Variants in HYCC1 observed in about 807,000 individuals in gnomAD.
HYCC1 encodes hyccin.
At chr7:22,944,341 A>G in the HYCC1 span, 2 of 152,236 alleles carry the variant, frequency 1.3e-5, no homozygotes, top group Non-Finnish European at 2.9e-5. Flanking sequence ...TTTTATTTCC[A>G]TCTAGAGGTC....
At chr7:22,898,906 G>A in the HYCC1 span, among the ~76,000 whole-genome samples, 117 of 152,248 alleles carry the variant, frequency 7.7e-4, no homozygotes, top group African/African-American at 2.6e-3. Flanking sequence ...CGGCTGGTCC[G>A]AATATTTCTC....
the HYCC1 span, among the ~76,000 whole-genome samples, chr7:23,006,194 T>C: frequency 6.6e-6 from 1 of 152,220 alleles, no homozygotes. Context: ...AAATGTTAAT[T>C]TATATTTAAA....
chr7:22,978,255 C>T, the HYCC1 span: 1 of 1,612,356 alleles, frequency 6.2e-7, no homozygotes. Context: ...TTGTTAACTC[C>T]ATTAAATACA....
the HYCC1 span, among the ~76,000 whole-genome samples, chr7:22,958,651 T>C: frequency 1.3e-5 from 2 of 152,140 alleles, no homozygotes; most frequent in Non-Finnish European, 2.9e-5. Flanking sequence ...TTTTTTCCTA[T>C]AAAATATGTC....
At chr7:22,989,171 A>T in the HYCC1 span, among the ~76,000 whole-genome samples, 1 of 152,130 alleles carries the variant, frequency 6.6e-6, no homozygotes, top group African/African-American at 2.4e-5. Flanking sequence ...CATTAACATA[A>T]GAATGCCCTA....
chr7:22,981,312 A>C, the HYCC1 span, among the ~76,000 whole-genome samples: 1 of 152,218 alleles, frequency 6.6e-6, no homozygotes, highest in African/African-American at 2.4e-5. Flanking sequence ...AAGTACTATT[A>C]GTGAAGTTTA....
At chr7:22,952,287 G>A in the HYCC1 span, among the ~76,000 whole-genome samples, 5 of 151,956 alleles carry the variant, frequency 3.3e-5, no homozygotes, top group African/African-American at 1.2e-4. Context: ...TACTTAGATG[G>A]GTGGTCTGGG....
At chr7:22,919,869 G>A in the HYCC1 span, among the ~76,000 whole-genome samples, 3 of 151,158 alleles carry the variant, frequency 2.0e-5, no homozygotes, top group African/African-American at 7.3e-5. Flanking sequence ...GGAAAAAGAA[G>A]AAAACAGAAA....
At chr7:22,992,127 C>T in the HYCC1 span, among the ~76,000 whole-genome samples, 3 of 133,538 alleles carry the variant, frequency 2.2e-5, no homozygotes, top group African/African-American at 8.3e-5. Flanking sequence ...TATCACTATG[C>T]AATATTATTA....
At chr7:23,012,239 G>T in the HYCC1 span, among the ~76,000 whole-genome samples, 1 of 152,110 alleles carries the variant, frequency 6.6e-6, no homozygotes, top group Non-Finnish European at 1.5e-5. Context: ...ACAGGATGCT[G>T]AATAAAACAG....
the HYCC1 span, among the ~76,000 whole-genome samples, chr7:22,913,136 AAAG>A: frequency 6.6e-6 from 1 of 151,890 alleles, no homozygotes; most frequent in African/African-American, 2.4e-5. Context: ...GAAAAAAAAA[AAAG>A]AAGTACTCTC....
the HYCC1 span, among the ~76,000 whole-genome samples, chr7:23,013,248 A>C: frequency 6.6e-6 from 1 of 152,226 alleles, no homozygotes; most frequent in Non-Finnish European, 1.5e-5. Flanking sequence ...GGAATAACTC[A>C]TAGAAAGAAG....
the HYCC1 span, among the ~76,000 whole-genome samples, chr7:22,948,292 C>T: frequency 2.5e-4 from 38 of 152,108 alleles, no homozygotes; most frequent in African/African-American, 8.2e-4. Context: ...CAAATACTTT[C>T]GTGATAGGAT....
the HYCC1 span, among the ~76,000 whole-genome samples, chr7:22,954,262 C>T: frequency 6.6e-6 from 1 of 150,788 alleles, no homozygotes. Flanking sequence ...TACTAAAATA[C>T]ACCCATTATA....
chr7:22,924,215 G>A, the HYCC1 span, among the ~76,000 whole-genome samples: 1 of 150,722 alleles, frequency 6.6e-6, no homozygotes, highest in African/African-American at 2.4e-5. Context: ...AGCCAAGATG[G>A]CCGAATAGGA....
the HYCC1 span, among the ~76,000 whole-genome samples, chr7:22,971,767 T>C: frequency 6.6e-6 from 1 of 150,766 alleles, no homozygotes; most frequent in Non-Finnish European, 1.5e-5. Context: ...AAAGAGAAAG[T>C]GGAAGAATTG....
chr7:22,955,245 A>G, the HYCC1 span, among the ~76,000 whole-genome samples: 3 of 151,672 alleles, frequency 2.0e-5, no homozygotes, highest in Non-Finnish European at 3.0e-5. Flanking sequence ...AAAGTACTAA[A>G]GAATCACAGG....
At chr7:22,995,903 G>A in the HYCC1 span, among the ~76,000 whole-genome samples, 1 of 152,214 alleles carries the variant, frequency 6.6e-6, no homozygotes, top group Non-Finnish European at 1.5e-5. Context: ...ACGACGTCAT[G>A]TGAATATCAA....
the HYCC1 span, among the ~76,000 whole-genome samples, chr7:23,009,371 C>T: frequency 6.6e-6 from 1 of 152,070 alleles, no homozygotes; most frequent in African/African-American, 2.4e-5. Flanking sequence ...CTCTTTTAGG[C>T]TGCACCAAAA....
Sources: gnomAD v4.1 joint callset for allele counts (sites outside exome capture counted in the v4.1 genomes callset) on GRCh38, gnomAD v4.1.1 for gene constraint, MANE v1.5 for transcripts, NCBI Gene and HGNC (gene_info 2026-07-23, HGNC 2026-07-21) for gene names.